Variants in CHL1 observed in about 807,000 individuals in gnomAD.
CHL1 encodes the protein cell adhesion molecule L1 like.
A neutral mutation model predicts 141.9 loss-of-function variants in CHL1; 96 were observed. That is an observed-to-expected ratio of 0.68 (90% confidence interval 0.57 to 0.80). CHL1 has a LOEUF of 0.80. Among genes scored for constraint, CHL1 ranks in the 30% least tolerant of loss-of-function variants. The pLI is 0.00. For synonymous variants in CHL1, 613 were observed against 502.2 expected (o/e 1.22, Z -2.95); for missense variants, 1,820 against 1,457.2 (o/e 1.25, Z -4.05).
intron 5 of CHL1, among the ~76,000 whole-genome samples, chr3:331,570 C>A (rs1325992694): frequency 2.0e-5 from 3 of 151,952 alleles, no homozygotes; most frequent in Non-Finnish European, 4.4e-5. Flanking sequence ...CATATTAAAG[C>A]CTCATGAAGG....
intron 3 of CHL1, among the ~76,000 whole-genome samples, chr3:320,369 T>G (rs532827014): frequency 6.6e-6 from 1 of 152,030 alleles, no homozygotes; most frequent in Non-Finnish European, 1.5e-5. Context: ...CTCTCAAAAT[T>G]TACGGCATTA....
At chr3:297,878 G>A (rs1381484558) in intron 2 of CHL1, among the ~76,000 whole-genome samples, 3 of 152,190 alleles carry the variant, frequency 2.0e-5, no homozygotes, top group African/African-American at 7.2e-5. Flanking sequence ...TGCAGGAAAT[G>A]TTATCTGGGC....
intron 1 of CHL1, among the ~76,000 whole-genome samples, chr3:223,779 A>G (rs1701077915): frequency 6.6e-6 from 1 of 152,094 alleles, no homozygotes; most frequent in South Asian, 2.1e-4. Context: ...TTTTTCCAGG[A>G]TAGTTTGGTA....
rs1278461752 is a variant in CHL1, at chr3:409,223, G to A, written c.*3512G>A. On this transcript the variant is annotated 3_prime_UTR_variant, in exon 28 of 28. Transcript: ENST00000256509. Reference sequence around the variant, plus strand: ...ATTACGTCATCAAAAGAGATGAAAGGTATGTAGAACAGGTTCACGTGATTA... The same window carrying A: ...ATTACGTCATCAAAAGAGATGAAAGATATGTAGAACAGGTTCACGTGATTA... The A allele has an allele frequency of 6.6e-6, 1 of 152,036 alleles. No individual in the cohort carries two copies. The highest frequency in any genetic ancestry group is 1.5e-5 in the Non-Finnish European group (1 of 67,972). 9.4% of individuals were successfully genotyped at this position (152,036 alleles called of 1,614,324 possible). A position where few individuals can be genotyped will look rare whatever the true frequency, so the allele number is the denominator to read the frequency against.
intron 23 of CHL1, among the ~76,000 whole-genome samples, chr3:393,595 TTAA>T: frequency 6.6e-6 from 1 of 152,116 alleles, no homozygotes; most frequent in Non-Finnish European, 1.5e-5. Flanking sequence ...TTGCTTTCTA[TTAA>T]TATTAATTGA....
At chr3:268,210 A>G (rs1559359575) in intron 2 of CHL1, among the ~76,000 whole-genome samples, 1 of 152,348 alleles carries the variant, frequency 6.6e-6, no homozygotes, top group South Asian at 2.1e-4. Flanking sequence ...TGTTTTAGAT[A>G]TTATGGCAGT....
At chr3:328,998 A>C (rs1701229986) in intron 5 of CHL1, among the ~76,000 whole-genome samples, 1 of 152,190 alleles carries the variant, frequency 6.6e-6, no homozygotes, top group Non-Finnish European at 1.5e-5. Context: ...GCTATTGGTA[A>C]TGTTAACCGT....
intron 10 of CHL1, 138 bp from the exon 11 acceptor site, chr3:354,500 CAA>C (rs1703533295): frequency 2.2e-6 from 2 of 892,054 alleles, no homozygotes; most frequent in Non-Finnish European, 3.4e-6. Flanking sequence ...CTTTGCAGAG[CAA>C]GTTTACCAAA....
chr3:403,368 C>T (rs73814767), intron 27 of CHL1, among the ~76,000 whole-genome samples: 2 of 152,106 alleles, frequency 1.3e-5, no homozygotes, highest in African/African-American at 4.8e-5. Context: ...TAGCTCACAA[C>T]TCAAAGGAAG....
intron 1 of CHL1, among the ~76,000 whole-genome samples, chr3:242,693 C>CAGAGAG (rs148141578): frequency 2.1e-5 from 3 of 144,864 alleles, no homozygotes; most frequent in Middle Eastern, 3.8e-3. Context: ...CACACACACA[C>CAGAGAG]ACACAGAGAG....
chr3:275,850 TA>T (rs1696045731), intron 2 of CHL1, among the ~76,000 whole-genome samples: 1 of 152,132 alleles, frequency 6.6e-6, no homozygotes, highest in Non-Finnish European at 1.5e-5. Flanking sequence ...GTATAAAATT[TA>T]AATATTATTA....
chr3:394,843 C>T lies in CHL1; in HGVS notation c.3065C>T (p.Thr1022Met), dbSNP rs554488617. 24 of 1,612,944 alleles carry T rather than the reference C, an allele frequency of 1.5e-5. No homozygotes were observed. Among genetic ancestry groups the T allele is most frequent in the Middle Eastern group, 3.3e-4 (2 of 6,050 alleles). Residue 1022 changes from threonine to methionine, a missense_variant, in exon 24 of 28, where the codon ACG (threonine) becomes ATG (methionine). By Grantham distance (81) the Thr-to-Met change is moderately conservative. Transcript: ENST00000256509. ...CTSQGCGKPI[T>M]EESSTLGEGS... ...TCACAGGGCTGTGGAAAACCGATCA[C>T]GGAGGAAAGCTCCACCTTAGGAGAA...
chr3:301,388 G>C (rs753324690), intron 2 of CHL1, among the ~76,000 whole-genome samples: 1 of 152,174 alleles, frequency 6.6e-6, no homozygotes, highest in Non-Finnish European at 1.5e-5. Context: ...AAAGGAAACT[G>C]TTCTGTGCTG....
chr3:210,904 C>T (rs1221270301), intron 1 of CHL1, among the ~76,000 whole-genome samples: 1 of 152,168 alleles, frequency 6.6e-6, no homozygotes, highest in African/African-American at 2.4e-5. Flanking sequence ...CTGGTTTTGT[C>T]TGGAGCGAGA....
At chr3:253,284 T>C (rs1193854739) in intron 2 of CHL1, among the ~76,000 whole-genome samples, 3 of 152,124 alleles carry the variant, frequency 2.0e-5, no homozygotes, top group East Asian at 1.9e-4. Flanking sequence ...CTTAGCACCA[T>C]AGTTATAGAG....
intron 1 of CHL1, among the ~76,000 whole-genome samples, chr3:235,045 G>T (rs1574803890): frequency 6.6e-6 from 1 of 151,236 alleles, no homozygotes; most frequent in African/African-American, 2.4e-5. Flanking sequence ...GGGTACATGT[G>T]CACATTGTGC....
At chr3:224,035 T>C (rs1266754158) in intron 1 of CHL1, among the ~76,000 whole-genome samples, 2 of 152,118 alleles carry the variant, frequency 1.3e-5, no homozygotes, top group African/African-American at 4.8e-5. Context: ...ATAGGAGCAA[T>C]TGGGAAGGTT....
intron 1 of CHL1, among the ~76,000 whole-genome samples, chr3:236,419 A>G (rs1691988720): frequency 6.6e-6 from 1 of 152,096 alleles, no homozygotes; most frequent in African/African-American, 2.4e-5. Flanking sequence ...TAGGGAAGGG[A>G]AGTGTTCTTG....
At chr3:369,143 G>A (rs1369665240) in intron 15 of CHL1, among the ~76,000 whole-genome samples, 1 of 152,026 alleles carries the variant, frequency 6.6e-6, no homozygotes, top group Admixed American at 6.6e-5. Context: ...AATGTCAATG[G>A]TAGTTTGATG....
Sources: allele counts gnomAD v4.1 joint callset (sites outside exome capture counted in the v4.1 genomes callset), GRCh38; gene constraint gnomAD v4.1.1; transcripts MANE v1.5; gene names NCBI Gene and HGNC (gene_info 2026-07-23, HGNC 2026-07-21).